RIMS2: variants seen among roughly 807,000 people sequenced by gnomAD.
The protein encoded by RIMS2 is regulating synaptic membrane exocytosis 2, also known as regulating synaptic membrane exocytosis protein 2.
A neutral mutation model predicts 174.4 loss-of-function variants in RIMS2; 59 were observed. The observed-to-expected ratio is 0.34, with a 90% CI of 0.27 to 0.42. The LOEUF is 0.42. RIMS2 is among the 10% of genes least tolerant of loss of function. The pLI is 1.00. For synonymous variants in RIMS2, 606 were observed against 572.5 expected (o/e 1.06, Z -0.84); for missense variants, 1,620 against 1,666.3 (o/e 0.97, Z 0.48).
At chr8:103,870,998 C>T (rs2099108891) in intron 3 of RIMS2, among the ~76,000 whole-genome samples, 1 of 152,174 alleles carries the variant, frequency 6.6e-6, no homozygotes, top group Non-Finnish European at 1.5e-5. Context: ...GCCTCTGCTG[C>T]CACTTCTGAT....
chr8:103,788,829 T>G (rs377239925), intron 3 of RIMS2, among the ~76,000 whole-genome samples: 1 of 138,144 alleles, frequency 7.2e-6, no homozygotes, highest in Admixed American at 7.0e-5. Context: ...GCTTTGTTTA[T>G]CTAAGCAAGC....
intron 3 of RIMS2, among the ~76,000 whole-genome samples, chr8:103,867,148 G>C (rs896568446): frequency 2.6e-5 from 4 of 151,744 alleles, no homozygotes; most frequent in Non-Finnish European, 5.9e-5. Flanking sequence ...AATGAAATCT[G>C]TTTTAAAAGG....
intron 19 of RIMS2, among the ~76,000 whole-genome samples, chr8:104,078,446 C>T (rs1204387794): frequency 6.6e-6 from 1 of 152,148 alleles, no homozygotes; most frequent in Non-Finnish European, 1.5e-5. Context: ...TGCCTTCTTG[C>T]TGTGTCTTCA....
intron 19 of RIMS2, among the ~76,000 whole-genome samples, chr8:104,186,320 C>T (rs1256725863): frequency 6.6e-6 from 1 of 151,714 alleles, no homozygotes; most frequent in Non-Finnish European, 1.5e-5. Flanking sequence ...GCCATGACTT[C>T]ACTACTATAC....
chr8:104,098,449 A>G (rs775393258), intron 19 of RIMS2, among the ~76,000 whole-genome samples: 1 of 152,148 alleles, frequency 6.6e-6, no homozygotes, highest in Non-Finnish European at 1.5e-5. Context: ...TGGAAGATAG[A>G]AAAAACAAAT....
rs553613482 is a variant in RIMS2, at chr8:103,872,791, T to G, written c.699-12507T>G. ...TACCTAATAAACTTCTATCTAAATC[T>G]TATTGGCCTGAATCACAGCCATGAG... On this transcript the variant is annotated intron_variant, in intron 3 of 23. Transcript: ENST00000504942. Among the ~76,000 whole-genome samples, 4 of 152,316 alleles carry G rather than the reference T, an allele frequency of 2.6e-5. No homozygotes were observed. The East Asian group carries it at 7.7e-4, about 29-fold the overall frequency.
At chr8:104,019,003 G>A (rs772060440) in intron 19 of RIMS2, among the ~76,000 whole-genome samples, 1 of 152,010 alleles carries the variant, frequency 6.6e-6, no homozygotes, top group Non-Finnish European at 1.5e-5. Flanking sequence ...AAAGATCCCA[G>A]CCTGGCCAAC....
At chr8:103,885,161 T>C in intron 3 of RIMS2, 137 bp from the exon 7 acceptor site, 1 of 1,252,276 alleles carries the variant, frequency 8.0e-7, no homozygotes, top group Non-Finnish European at 1.1e-6. Flanking sequence ...AAACCATTGT[T>C]ACGCTATGCC....
intron 3 of RIMS2, among the ~76,000 whole-genome samples, chr8:103,782,174 C>G (rs915938841): frequency 4.0e-5 from 6 of 151,112 alleles, no homozygotes; most frequent in Non-Finnish European, 8.8e-5. Flanking sequence ...TTTATAGACA[C>G]TGTCTGCAAA....
chr8:104,141,284 A>G (rs990513060), intron 19 of RIMS2, among the ~76,000 whole-genome samples: 1 of 152,192 alleles, frequency 6.6e-6, no homozygotes, highest in Non-Finnish European at 1.5e-5. Context: ...GGAGAGGTCT[A>G]TTATTCAATA....
chr8:103,692,406 T>A (rs1333807490), intron 1 of RIMS2, among the ~76,000 whole-genome samples: 2 of 152,202 alleles, frequency 1.3e-5, no homozygotes, highest in African/African-American at 4.8e-5. Context: ...GTGCCTGAGC[T>A]GGACCCAAGC....
At chr8:103,777,564 T>C (rs529545287) in intron 3 of RIMS2, among the ~76,000 whole-genome samples, 1 of 152,122 alleles carries the variant, frequency 6.6e-6, no homozygotes, top group South Asian at 2.1e-4. Flanking sequence ...AGCTATTTTA[T>C]TTAAGTAAAA....
At chr8:103,572,940 A>T (rs893320079) in intron 1 of RIMS2, among the ~76,000 whole-genome samples, 1 of 152,004 alleles carries the variant, frequency 6.6e-6, no homozygotes, top group East Asian at 1.9e-4. Flanking sequence ...TCTATGTTTC[A>T]TTTGCTTTAG....
At chr8:103,659,461 T>C (rs1467006114) in intron 1 of RIMS2, among the ~76,000 whole-genome samples, 3 of 152,082 alleles carry the variant, frequency 2.0e-5, no homozygotes, top group Admixed American at 6.5e-5. Flanking sequence ...AGGAAGAAGG[T>C]AGTCAAGCAC....
rs559348480 is a variant in RIMS2 at position 103,780,059 on chromosome 8, G to T, written c.698+13522G>T. ...GTAGTACATTTTGAAGTTAGGTAGT[G>T]TGAGGCCTCTAACATCCCTTGAAAT... On this transcript the variant is annotated intron_variant, in intron 3 of 23. Transcript: ENST00000504942. 2.6e-5 allele frequency among the ~76,000 whole-genome samples: 4 copies of T among 152,222 alleles called. No homozygotes were observed. The East Asian group carries it at 7.7e-4, about 29-fold the overall frequency.
Position 103,879,430 on chromosome 8 carries a change from T to C in RIMS2, c.699-5868T>C, listed in dbSNP as rs930632440. 3.3e-5 allele frequency among the ~76,000 whole-genome samples: 5 copies of C among 151,648 alleles called. 1 individual carries two copies. Among genetic ancestry groups the C allele is most frequent in the Non-Finnish European group, 7.4e-5 (5 of 67,742 alleles). On this transcript the variant is annotated intron_variant, in intron 3 of 23. Transcript: ENST00000504942. ...AGCTGTGGGCAAATGGATTTTTTTTTCAGTTTGGTATGAACTGTGGGGTCT... is the reference window on the plus strand; with the variant it reads ...AGCTGTGGGCAAATGGATTTTTTTTCCAGTTTGGTATGAACTGTGGGGTCT...
intron 3 of RIMS2, among the ~76,000 whole-genome samples, chr8:103,798,883 A>G (rs183121026): frequency 4.0e-4 from 60 of 151,784 alleles, no homozygotes; most frequent in Admixed American, 1.3e-4. Context: ...TGTGGGCCCA[A>G]TCTAATCACA....
chr8:104,176,425 C>T (rs1234415848), intron 19 of RIMS2, among the ~76,000 whole-genome samples: 1 of 152,086 alleles, frequency 6.6e-6, no homozygotes, highest in Non-Finnish European at 1.5e-5. Context: ...TACTCCATTA[C>T]AGCATTACTG....
chr8:103,708,537 A>G (rs1397703467), intron 2 of RIMS2, among the ~76,000 whole-genome samples: 6 of 151,832 alleles, frequency 4.0e-5, no homozygotes, highest in African/African-American at 7.3e-5. Flanking sequence ...TAGTTGTTCA[A>G]AGTTGATGTT....
Sources: allele counts gnomAD v4.1 joint callset (sites outside exome capture counted in the v4.1 genomes callset), GRCh38; gene constraint gnomAD v4.1.1; transcripts MANE v1.5; gene names NCBI Gene and HGNC (gene_info 2026-07-23, HGNC 2026-07-21).